The following ZNF446 variants were observed in gnomAD, a reference collection of about 807,000 sequenced individuals.
The protein encoded by ZNF446 is zinc finger protein 446, also known as zinc finger protein with KRAB and SCAN domains 20.
ZNF446 carries 42 observed loss-of-function variants against 34.0 expected under a neutral mutation model. That is an observed-to-expected ratio of 1.23 (90% confidence interval 0.96 to 1.60). The LOEUF (loss-of-function observed/expected upper bound fraction) is 1.60. ZNF446 is among the 40% of genes most tolerant of loss of function. ZNF446 has a pLI of 0.00. For synonymous variants in ZNF446, 315 were observed against 251.0 expected, an observed-to-expected ratio of 1.25 and a Z score of -2.41; for missense variants, 650 against 600.2, an observed-to-expected ratio of 1.08 and a Z score of -0.87.
chr19:58,479,808 C>T (rs1568617965), intron 5 of ZNF446, 81 bp downstream of exon 5: 2 of 1,498,634 alleles, frequency 1.3e-6, no homozygotes, highest in South Asian at 2.4e-5. Context: ...GGCAGGGCCT[C>T]TGTGCTACCA....
At chr19:58,482,671 C>G (rs534028296), downstream of ZNF446, among the ~76,000 whole-genome samples, 60 of 152,210 alleles carry the variant, frequency 3.9e-4, no homozygotes, top group Non-Finnish European at 6.9e-4. Flanking sequence ...GGCCCATCTT[C>G]CCCATCCCCT....
chr19:58,483,754 T>A (rs2053155001), downstream of ZNF446: 1 of 152,188 alleles, frequency 6.6e-6, no homozygotes, highest in African/African-American at 2.4e-5. Context: ...GACCCCACCA[T>A]ATGGAATGCT....
At chr19:58,479,425 G>T in intron 4 of ZNF446, 2 of 578,572 alleles carry the variant, frequency 3.5e-6, no homozygotes, top group South Asian at 4.0e-5. Context: ...GCAGGATGGT[G>T]TAGTAGAGGG....
At chr19:58,485,876 G>A (rs1447683857), downstream of ZNF446, among the ~76,000 whole-genome samples, 1 of 152,006 alleles carries the variant, frequency 6.6e-6, no homozygotes, top group African/African-American at 2.4e-5. Flanking sequence ...ACCACACCCA[G>A]CCTGATATTT....
downstream of ZNF446, among the ~76,000 whole-genome samples, chr19:58,481,894 C>T (rs539862109): frequency 6.6e-6 from 1 of 152,104 alleles, no homozygotes; most frequent in Non-Finnish European, 1.5e-5. Context: ...CCCGGGTTCA[C>T]GCCATTCTCC....
intron 4 of ZNF446, chr19:58,479,404 C>T: frequency 1.9e-6 from 1 of 529,430 alleles, no homozygotes; most frequent in Non-Finnish European, 3.4e-6. Context: ...GCTGCCAAAC[C>T]TGCCCTCTGA....
chr19:58,477,252 G>T lies in ZNF446; in HGVS notation c.34G>T (p.Val12Phe), dbSNP rs151034980. 4.9e-5 allele frequency: 79 copies of T among 1,597,864 alleles called. No homozygotes were observed. Among genetic ancestry groups the T allele is most frequent in the Non-Finnish European group, 6.4e-5 (75 of 1,170,406 alleles). Reference protein sequence around the residue: ...PSPLGPPCLPVMDPETTLEEP... With the variant: ...PSPLGPPCLPFMDPETTLEEP... ...CCCTCTGGGTCCCCCATGCCTGCCC[G>T]TCATGGACCCAGAGACCACCCTTGA... The change falls in exon 2 of 7, where the codon GTC (valine) becomes TTC (phenylalanine). Residue 12 changes from valine to phenylalanine, a missense_variant. Coordinates refer to ENST00000594369, the MANE Select transcript of ZNF446 (RefSeq NM_017908.4).
chr19:58,478,268 C>A, intron 4 of ZNF446, 87 bp downstream of exon 4: 2 of 1,260,210 alleles, frequency 1.6e-6, no homozygotes, highest in East Asian at 2.5e-5. Context: ...GTTTTCCAGG[C>A]TCCTTGACTA....
At chr19:58,482,804 CAG>C (rs2053149263), downstream of ZNF446, among the ~76,000 whole-genome samples, 1 of 152,038 alleles carries the variant, frequency 6.6e-6, no homozygotes, top group Non-Finnish European at 1.5e-5. Context: ...GTGCTGGGGA[CAG>C]AGAAGAAGAA....
In ZNF446 at chr19:58,477,793, A is replaced by G. The variant is rs914345461; in HGVS notation, c.499A>G (p.Lys167Glu). The change falls in exon 3 of 7, where the codon AAG becomes GAG. Residue 167 changes from lysine to glutamate, a missense_variant. Lys to Glu is a moderately conservative substitution (Grantham distance 56). Coordinates refer to ENST00000594369, the MANE Select transcript of ZNF446 (RefSeq NM_017908.4). ...EGSVQLSCSV[K>E]EEPNVDGQEV... The stretch of plus-strand genomic sequence containing the variant: ...GTCTGTCCAGCTCAGCTGCAGTGTG[A>G]AGGAGGAGCCCAATGTCGATGGACA... 7.0e-5 allele frequency: 111 copies of G among 1,589,048 alleles called. No individual in the cohort carries two copies. The East Asian group carries it at 9.8e-4, about 14-fold the overall frequency.
chr19:58,480,537 A>AC lies in ZNF446; in HGVS notation c.1165dup (p.Leu389ProfsTer10). On this transcript the variant is annotated frameshift_variant, in exon 7 of 7. Coordinates refer to ENST00000594369, the MANE Select transcript of ZNF446 (RefSeq NM_017908.4). LOFTEE classifies it low-confidence loss of function (END_TRUNC). This position sits in a 1 kb window ranked among gnomAD's most constrained non-coding sequence, Gnocchi z 7.2. The stretch of plus-strand genomic sequence containing the variant: ...CCTTTCCGCACCACCCCCGACGCTC[A>AC]CTCACAGGCCCCCGGAGTTACCCGT... The AC allele has an allele frequency of 1.2e-6, 2 of 1,612,454 alleles. No individual in the cohort carries two copies. The highest frequency in any genetic ancestry group is 1.7e-6 in the Non-Finnish European group (2 of 1,179,638).
chr19:58,481,880 G>A (rs934365279), downstream of ZNF446, among the ~76,000 whole-genome samples: 1 of 152,120 alleles, frequency 6.6e-6, no homozygotes, highest in Non-Finnish European at 1.5e-5. Flanking sequence ...TGCAAGCTCT[G>A]CCTCCCGGGT....
At chr19:58,486,717 T>TTTGGGGGG in the ZNF446 span, among the ~76,000 whole-genome samples, 4 of 89,966 alleles carry the variant, frequency 4.4e-5, no homozygotes, top group African/African-American at 2.0e-4. Flanking sequence ...CTTTTTTTTT[T>TTTGGGGGG]GGGGGGGGGC....
At chr19:58,478,533 A>T (rs1275164262) in intron 4 of ZNF446, among the ~76,000 whole-genome samples, 1 of 152,064 alleles carries the variant, frequency 6.6e-6, no homozygotes, top group Non-Finnish European at 1.5e-5. Context: ...AAGTGGTGGC[A>T]GGCGCCTGTA....
chr19:58,481,565 G>A (rs1359294323), downstream of ZNF446, among the ~76,000 whole-genome samples: 5 of 152,168 alleles, frequency 3.3e-5, no homozygotes, highest in South Asian at 2.1e-4. Context: ...AGGTCAGGCC[G>A]CACCCTCCAT....
intron 3 of ZNF446, 21 bp from the exon 4 acceptor site, chr19:58,478,066 T>G (rs1371396013): frequency 6.2e-7 from 1 of 1,602,474 alleles, no homozygotes; most frequent in Admixed American, 1.7e-5. Flanking sequence ...ACACCACCCT[T>G]CCATCTGCCC....
chr19:58,488,049 A>C, the ZNF446 span, among the ~76,000 whole-genome samples: 2 of 151,140 alleles, frequency 1.3e-5, 1 homozygote, highest in African/African-American at 4.9e-5. Context: ...GCAGGACTTC[A>C]CCTGCCTTGC....
At chr19:58,482,319 C>T (rs931469348), downstream of ZNF446, among the ~76,000 whole-genome samples, 1 of 152,124 alleles carries the variant, frequency 6.6e-6, no homozygotes, top group Non-Finnish European at 1.5e-5. Context: ...CTCATCATAT[C>T]TTGTCCCCTA....
Position 58,480,691 on chromosome 19 carries a change from A to G in ZNF446, c.1318A>G (p.Ile440Val). 1.2e-6 allele frequency: 2 copies of G among 1,608,814 alleles called. No homozygotes were observed. The highest frequency in any genetic ancestry group is 1.7e-6 in the Non-Finnish European group (2 of 1,179,752). The change falls in exon 7 of 7, where the codon ATC becomes GTC. Residue 440 changes from isoleucine to valine, a missense_variant. Coordinates refer to ENST00000594369, the MANE Select transcript of ZNF446 (RefSeq NM_017908.4). This position sits in a 1 kb window ranked among gnomAD's most constrained non-coding sequence, Gnocchi z 7.2. ...CTTCGACTGGAAGTCGCAGCTGGTC[A>G]TCCACCGCAAGGGCCACCGGCCGGA... Reference protein sequence around the residue: ...RAFDWKSQLVIHRKGHRPEVP With the variant: ...RAFDWKSQLVVHRKGHRPEVP
Sources: allele counts gnomAD v4.1 joint callset (sites outside exome capture counted in the v4.1 genomes callset), GRCh38; gene constraint gnomAD v4.1.1; non-coding constraint Gnocchi (gnomAD v3.1); transcripts MANE v1.5; gene names NCBI Gene and HGNC (gene_info 2026-07-23, HGNC 2026-07-21).